Variants in HERC3 observed in about 807,000 individuals in gnomAD.
HERC3 encodes probable E3 ubiquitin-protein ligase HERC3.
HERC3 carries 58 observed loss-of-function variants against 129.9 expected under a neutral mutation model. The observed-to-expected ratio is 0.45, with a 90% CI of 0.36 to 0.56. The LOEUF is 0.56. Among genes scored for constraint, HERC3 ranks in the 20% least tolerant of loss-of-function variants. HERC3 has a pLI of 0.00. For missense variants in HERC3, 835 were observed against 1,244.2 expected (o/e 0.67, Z 4.95); for synonymous variants, 430 against 451.0 (o/e 0.95, Z 0.59).
the HERC3 span, among the ~76,000 whole-genome samples, chr4:88,538,644 C>CG: frequency 6.6e-6 from 1 of 151,272 alleles, no homozygotes; most frequent in Admixed American, 6.6e-5. Flanking sequence ...CCTGGGTTCA[C>CG]GCTATTCTCC....
the HERC3 span, among the ~76,000 whole-genome samples, chr4:88,541,811 T>C: frequency 1.3e-5 from 2 of 152,156 alleles, no homozygotes; most frequent in Non-Finnish European, 2.9e-5. Flanking sequence ...ACCGCACAAC[T>C]ACATGGAAAC....
chr4:88,527,817 C>T, the HERC3 span: 10 of 328,062 alleles, frequency 3.0e-5, no homozygotes, highest in South Asian at 2.8e-4. Flanking sequence ...CCATCCTGCA[C>T]TTTGTTTACG....
At chr4:88,565,040 A>T in the HERC3 span, among the ~76,000 whole-genome samples, 1 of 152,020 alleles carries the variant, frequency 6.6e-6, no homozygotes, top group Admixed American at 6.6e-5. Flanking sequence ...TATAGTTTCC[A>T]ATGTTCCTCT....
intron 3 of HERC3, among the ~76,000 whole-genome samples, chr4:88,642,782 T>G (rs1157461250): frequency 6.6e-6 from 1 of 152,146 alleles, no homozygotes; most frequent in Non-Finnish European, 1.5e-5. Flanking sequence ...TGGGGTTGAT[T>G]TCAGCATATA....
chr4:88,629,574 A>G lies in HERC3; in HGVS notation c.227-20266A>G, dbSNP rs1479726603. 2.0e-5 allele frequency among the ~76,000 whole-genome samples: 3 copies of G among 152,216 alleles called. No individual in the cohort carries two copies. The East Asian group carries it at 5.8e-4, about 29-fold the overall frequency. On this transcript the variant is annotated intron_variant, in intron 3 of 25. Transcript: ENST00000402738. The stretch of plus-strand genomic sequence containing the variant: ...ATATTTGTAGAAATACAACTGCTAG[A>G]TCAAAAGACATTCAAAATTCTAAGG...
chr4:88,591,280 C>T (rs1721689954), upstream of HERC3, among the ~76,000 whole-genome samples: 1 of 152,158 alleles, frequency 6.6e-6, no homozygotes, highest in East Asian at 1.9e-4. Flanking sequence ...TTAGATTCTG[C>T]TTTTTTAGCT....
chr4:88,549,293 G>A, the HERC3 span, among the ~76,000 whole-genome samples: 1 of 150,202 alleles, frequency 6.7e-6, no homozygotes, highest in Non-Finnish European at 1.5e-5. Flanking sequence ...ATATTCCTTA[G>A]GTTTTTTACT....
At chr4:88,543,374 C>A in the HERC3 span, among the ~76,000 whole-genome samples, 3 of 152,242 alleles carry the variant, frequency 2.0e-5, no homozygotes, top group Non-Finnish European at 2.9e-5. Context: ...ATCAAACTTA[C>A]AAGGGATGTG....
the HERC3 span, among the ~76,000 whole-genome samples, chr4:88,533,450 A>G: frequency 2.6e-5 from 4 of 152,310 alleles, no homozygotes; most frequent in East Asian, 7.7e-4. Flanking sequence ...TTCTGATTTT[A>G]TAAATAAAAT....
the HERC3 span, among the ~76,000 whole-genome samples, chr4:88,547,084 CTT>C: frequency 6.6e-6 from 1 of 152,046 alleles, no homozygotes; most frequent in Admixed American, 6.6e-5. Context: ...TACACTATAA[CTT>C]ATAATATAAT....
chr4:88,645,571 G>A (rs1728605068), intron 3 of HERC3, among the ~76,000 whole-genome samples: 1 of 152,020 alleles, frequency 6.6e-6, no homozygotes, highest in Non-Finnish European at 1.5e-5. Context: ...TGAAACCTTG[G>A]ATAGTACCAA....
chr4:88,697,200 C>G (rs747961591), intron 23 of HERC3: 3 of 1,507,888 alleles, frequency 2.0e-6, no homozygotes, highest in Admixed American at 4.7e-5. Context: ...TCCATCTCTG[C>G]CCCCCTTACT....
intron 25 of HERC3, among the ~76,000 whole-genome samples, chr4:88,705,796 ATGGAGC>A (rs1475913087): frequency 6.6e-6 from 1 of 152,246 alleles, no homozygotes; most frequent in Non-Finnish European, 1.5e-5. Flanking sequence ...GCTTTATAAG[ATGGAGC>A]ATATATTAGT....
chr4:88,689,091 C>T (rs1294672684), intron 23 of HERC3, among the ~76,000 whole-genome samples: 2 of 152,166 alleles, frequency 1.3e-5, no homozygotes, highest in Non-Finnish European at 2.9e-5. Context: ...AAGTAAAACT[C>T]ACTCTGGACT....
intron 3 of HERC3, among the ~76,000 whole-genome samples, chr4:88,632,362 A>G (rs1726868746): frequency 1.3e-5 from 2 of 152,244 alleles, no homozygotes; most frequent in South Asian, 4.1e-4. Context: ...TTGTAACGTA[A>G]TATCCAAAAT....
Position 88,662,425 on chromosome 4 carries a change from C to G in HERC3, c.1147-6C>G, listed in dbSNP as rs1298651422. 2 of 1,601,824 alleles carry G rather than the reference C, an allele frequency of 1.2e-6. No individual in the cohort carries two copies. Among genetic ancestry groups the G allele is most frequent in the Non-Finnish European group, 1.7e-6 (2 of 1,176,120 alleles). ...CTTCTTTTTACTGTTACATTTAATT[C>G]TCCAGAATTATTCTCCTGCTGTTGA... On this transcript the variant is annotated splice_region_variant and splice_polypyrimidine_tract_variant and intron_variant, in intron 10 of 25. Coordinates refer to ENST00000402738, the MANE Select transcript of HERC3 (RefSeq NM_014606.3).
intron 15 of HERC3, 41 bp downstream of exon 15, chr4:88,670,064 G>A (rs376694628): frequency 7.3e-5 from 118 of 1,606,024 alleles, no homozygotes; most frequent in Non-Finnish European, 9.1e-5. Context: ...GTGATTAGAT[G>A]GTAGGGTAAA....
intron 4 of HERC3, among the ~76,000 whole-genome samples, chr4:88,651,227 G>A (rs1279589071): frequency 1.3e-5 from 2 of 152,162 alleles, no homozygotes; most frequent in Non-Finnish European, 2.9e-5. Flanking sequence ...TAAAAATGAA[G>A]TAATCTGTTC....
At chr4:88,676,100 G>A (rs919631901) in intron 16 of HERC3, 118 bp from the exon 17 acceptor site, 12 of 723,194 alleles carry the variant, frequency 1.7e-5, no homozygotes, top group Non-Finnish European at 2.6e-5. Flanking sequence ...AATGGTGTTA[G>A]TTCTATGGCC....
Sources: gnomAD v4.1 joint callset for allele counts (sites outside exome capture counted in the v4.1 genomes callset) on GRCh38, gnomAD v4.1.1 for gene constraint, MANE v1.5 for transcripts, NCBI Gene and HGNC (gene_info 2026-07-23, HGNC 2026-07-21) for gene names.